CRTAP: variants seen among roughly 807,000 people sequenced by gnomAD.
CRTAP encodes the protein cartilage associated protein, also known as cartilage-associated protein.
CRTAP carries 33 observed loss-of-function variants against 42.7 expected under a neutral mutation model. The ratio of observed to expected loss-of-function variants is 0.77; its 90% confidence interval spans 0.59 to 1.03. The LOEUF (loss-of-function observed/expected upper bound fraction) is 1.03, where lower values mean the gene tolerates loss of function less well. Among genes scored for constraint, CRTAP ranks in the 50% least tolerant of loss-of-function variants. The pLI is 0.00. For synonymous variants in CRTAP, 243 were observed against 217.7 expected (o/e 1.12, Z -1.02); for missense variants, 613 against 533.9 (o/e 1.15, Z -1.46).
chr3:33,132,413 C>T, intron 4 of CRTAP, 142 bp from the exon 5 acceptor site: 5 of 1,191,798 alleles, frequency 4.2e-6, no homozygotes, highest in Non-Finnish European at 6.2e-6. Flanking sequence ...CCTGCCCACC[C>T]AGGGCTGCCA....
chr3:33,114,135 G>C lies in CRTAP; in HGVS notation c.58G>C (p.Ala20Pro). ...GCTAGCGCTGCTGTGCGTGGCCTGC[G>C]CGCTGCGCGCCGGGCGCGCCCAATA... ...ALLALLCVAC[A>P]LRAGRAQYER... is the part of the protein sequence containing the mutation. The change falls in exon 1 of 7, where the codon GCG becomes CCG. Residue 20 changes from alanine (A) to proline (P), a missense_variant. Coordinates refer to ENST00000320954, the MANE Select transcript of CRTAP (RefSeq NM_006371.5). 6.4e-7 allele frequency: 1 copy of C among 1,568,736 alleles called. No homozygotes were observed. The highest frequency in any genetic ancestry group is 8.6e-7 in the Non-Finnish European group (1 of 1,167,430).
At chr3:33,139,989 A>G (rs191260152) in intron 6 of CRTAP, among the ~76,000 whole-genome samples, 81 of 152,388 alleles carry the variant, frequency 5.3e-4, no homozygotes, top group Admixed American at 6.5e-4. Context: ...TACAAATAGC[A>G]TAGCAGGGAC....
chr3:33,122,524 T>C (rs1258597732), intron 2 of CRTAP, among the ~76,000 whole-genome samples: 1 of 151,804 alleles, frequency 6.6e-6, no homozygotes, highest in Non-Finnish European at 1.5e-5. Context: ...TGGGGCAAGA[T>C]GGTGAAACCC....
chr3:33,121,012 A>G (rs531205672), intron 2 of CRTAP, among the ~76,000 whole-genome samples: 9 of 152,152 alleles, frequency 5.9e-5, no homozygotes, highest in Admixed American at 1.3e-4. Flanking sequence ...GAACAACAAT[A>G]AGAAAGAACG....
rs1392816591 is a variant in CRTAP at position 33,114,089 on chromosome 3, G to C, written c.12G>C (p.Gly4=). 1 of 1,461,340 alleles carries C rather than the reference G, an allele frequency of 6.8e-7. No individual in the cohort carries two copies. Among genetic ancestry groups the C allele is most frequent in the East Asian group, 3.0e-5 (1 of 33,826 alleles). 90.5% of individuals were successfully genotyped at this position (1,461,340 alleles called of 1,614,324 possible). A position where few individuals can be genotyped will look rare whatever the true frequency, so the allele number is the denominator to read the frequency against. The part of the protein sequence containing the change: MEP[G]RRGAAALLAL... ...TTTCGCCGGGCGCGATGGAGCCGGG[G>C]CGCCGGGGGGCCGCGGCGCTGCTAG... Residue 4 remains glycine, a synonymous_variant, in exon 1 of 7, where the codon GGG becomes GGC. Transcript: ENST00000320954.
chr3:33,129,744 A>G (rs184202119), intron 3 of CRTAP, among the ~76,000 whole-genome samples, 195 bp from the exon 4 acceptor site: 197 of 151,580 alleles, frequency 1.3e-3, no homozygotes, highest in East Asian at 5.4e-3. Flanking sequence ...CACTGTGTTA[A>G]CCAGGATGGT....
rs901104405 is a variant in CRTAP, at chr3:33,147,480, C to T, written c.*5032C>T. 1 of 152,444 alleles carries T rather than the reference C, an allele frequency of 6.6e-6. No homozygotes were observed. Among genetic ancestry groups the T allele is most frequent in the East Asian group, 1.9e-4 (1 of 5,198 alleles). 9.4% of individuals were successfully genotyped at this position (152,444 alleles called of 1,614,324 possible). A position where few individuals can be genotyped will look rare whatever the true frequency, so the allele number is the denominator to read the frequency against. On this transcript the variant is annotated 3_prime_UTR_variant, in exon 7 of 7. Transcript: ENST00000320954. ...ATGAATGAGTGAGTTGGCTCTATATCCCCTTGGAGCTGGCCGGTAAGATAT... is the reference window on the plus strand; with the variant it reads ...ATGAATGAGTGAGTTGGCTCTATATTCCCTTGGAGCTGGCCGGTAAGATAT...
chr3:33,129,783 C>T (rs940858073), intron 3 of CRTAP, among the ~76,000 whole-genome samples, 156 bp from the exon 4 acceptor site: 13 of 152,124 alleles, frequency 8.5e-5, no homozygotes, highest in Admixed American at 3.3e-4. Context: ...GTGATTCGCC[C>T]GCCTCAGCCT....
chr3:33,117,948 A>ATTCC lies in CRTAP; in HGVS notation c.472-2393_472-2390dup, dbSNP rs138605641. 8.0e-3 allele frequency among the ~76,000 whole-genome samples: 1,206 copies of ATTCC among 151,044 alleles called. 17 individuals are homozygous for ATTCC. The highest frequency in any genetic ancestry group is 0.027 in the African/African-American group (1,118 of 40,762). On this transcript the variant is annotated intron_variant, in intron 1 of 6. Coordinates refer to ENST00000320954, the MANE Select transcript of CRTAP (RefSeq NM_006371.5). ...AATCCTACTCTGTGCCCCTCTTTCT[A>ATTCC]TTCCTTTCTTTCTTTCTTTCTTTCT...
intron 1 of CRTAP, among the ~76,000 whole-genome samples, chr3:33,117,093 C>T (rs559454009): frequency 1.3e-5 from 2 of 151,448 alleles, no homozygotes; most frequent in Non-Finnish European, 2.9e-5. Flanking sequence ...GGTGACAGAA[C>T]AAGACTCTTG....
chr3:33,138,787 A>T (rs1384267560), intron 6 of CRTAP, among the ~76,000 whole-genome samples: 1 of 152,072 alleles, frequency 6.6e-6, no homozygotes, highest in Non-Finnish European at 1.5e-5. Flanking sequence ...CAGGAGGATC[A>T]CTTGAACCCA....
At chr3:33,133,986 A>G (rs2030347705) in intron 5 of CRTAP, among the ~76,000 whole-genome samples, 196 bp from the exon 6 acceptor site, 1 of 152,216 alleles carries the variant, frequency 6.6e-6, no homozygotes, top group South Asian at 2.1e-4. Context: ...TATAATTTAT[A>G]TAGGATAGAA....
At position 33,139,475 on chromosome 3, in the gene CRTAP, AT is replaced by A. The variant is rs554392214; in HGVS notation, c.1153-2902del. On this transcript the variant is annotated intron_variant, in intron 6 of 6. Coordinates refer to ENST00000320954, the MANE Select transcript of CRTAP (RefSeq NM_006371.5). ...GGAAGTTCTATTTTTAATTCGTTGA[AT>A]TTTTTTTTTTTTTTTTTGAGACGGA... Among the ~76,000 whole-genome samples, 1,164 of 139,096 alleles carry A rather than the reference AT, an allele frequency of 8.4e-3. 6 individuals are homozygous for A. Among genetic ancestry groups the A allele is most frequent in the African/African-American group, 0.016 (619 of 37,606 alleles). 91.3% of individuals were successfully genotyped at this position (139,096 alleles called of 152,430 possible).
At chr3:33,127,620 ATAT>A (rs1268744486) in intron 3 of CRTAP, among the ~76,000 whole-genome samples, 2 of 150,214 alleles carry the variant, frequency 1.3e-5, no homozygotes, top group Non-Finnish European at 3.0e-5. Context: ...GCTAATTTTT[ATAT>A]TTTTAGTAGA....
intron 2 of CRTAP, among the ~76,000 whole-genome samples, chr3:33,122,679 G>C (rs57190729): frequency 0.81 from 118,191 of 145,228 alleles, 48,129 homozygotes; most frequent in East Asian, 0.97. Context: ...CACTGCATTC[G>C]AGCCTGGGCA....
chr3:33,130,548 T>G (rs1337556052), intron 4 of CRTAP, among the ~76,000 whole-genome samples: 2 of 143,038 alleles, frequency 1.4e-5, no homozygotes, highest in African/African-American at 2.6e-5. Flanking sequence ...TTTTTTTTTT[T>G]TTGAGACAGA....
chr3:33,141,984 A>G (rs1374010967), intron 6 of CRTAP, among the ~76,000 whole-genome samples: 3 of 152,148 alleles, frequency 2.0e-5, no homozygotes, highest in Non-Finnish European at 4.4e-5. Context: ...AGAAAAATCA[A>G]CCCAGTCCCC....
At chr3:33,126,929 G>A (rs1164935382) in intron 3 of CRTAP, among the ~76,000 whole-genome samples, 3 of 152,172 alleles carry the variant, frequency 2.0e-5, no homozygotes, top group Non-Finnish European at 2.9e-5. Context: ...CACTGAATAT[G>A]CAATTTGCAG....
intron 2 of CRTAP, among the ~76,000 whole-genome samples, chr3:33,123,382 T>A (rs2029952231): frequency 6.6e-6 from 1 of 152,168 alleles, no homozygotes; most frequent in Non-Finnish European, 1.5e-5. Flanking sequence ...CACCATCCTC[T>A]CTGTGCCATT....
Sources: gnomAD v4.1 joint callset for allele counts (sites outside exome capture counted in the v4.1 genomes callset) on GRCh38, gnomAD v4.1.1 for gene constraint, MANE v1.5 for transcripts, NCBI Gene and HGNC (gene_info 2026-07-23, HGNC 2026-07-21) for gene names.